Variants in TRHDE observed in about 807,000 individuals in gnomAD.
The protein encoded by TRHDE is thyrotropin-releasing hormone-degrading ectoenzyme.
A neutral mutation model predicts 125.7 loss-of-function variants in TRHDE; 72 were observed. The ratio of observed to expected loss-of-function variants is 0.57; its 90% CI spans 0.47 to 0.70. The LOEUF (loss-of-function observed/expected upper bound fraction) is 0.70. Ranked by LOEUF, TRHDE falls within the 30% of genes least tolerant of loss-of-function variation. The pLI is 0.00. For synonymous variants in TRHDE, 509 were observed against 509.1 expected, an observed-to-expected ratio of 1.00 and a Z score of 0.00; for missense variants, 1,110 against 1,327.1, an observed-to-expected ratio of 0.84 and a Z score of 2.54.
intron 6 of TRHDE, among the ~76,000 whole-genome samples, chr12:72,500,849 CTTTTTT>C (rs11314911): frequency 7.3e-4 from 80 of 109,346 alleles, no homozygotes; most frequent in African/African-American, 2.5e-3. Flanking sequence ...CAACTTTGTT[CTTTTTT>C]TTTTTTTTTT....
intron 3 of TRHDE, among the ~76,000 whole-genome samples, chr12:72,440,135 T>C (rs1457728210): frequency 6.6e-6 from 1 of 152,006 alleles, no homozygotes; most frequent in Non-Finnish European, 1.5e-5. Context: ...AGTGATCTTT[T>C]TAGTGTGCTG....
chr12:72,615,604 T>C (rs1188437943), intron 12 of TRHDE, among the ~76,000 whole-genome samples: 1 of 152,140 alleles, frequency 6.6e-6, no homozygotes, highest in Non-Finnish European at 1.5e-5. Flanking sequence ...TGTCGTAGGC[T>C]TAAATGCAAG....
At chr12:72,456,006 C>T (rs1016722117) in intron 3 of TRHDE, among the ~76,000 whole-genome samples, 3 of 151,422 alleles carry the variant, frequency 2.0e-5, no homozygotes, top group African/African-American at 7.3e-5. Flanking sequence ...TATGTGTATA[C>T]TCACACACAT....
At chr12:72,209,816 A>G (rs1296573748) in intron 2 of TRHDE, among the ~76,000 whole-genome samples, 1 of 152,200 alleles carries the variant, frequency 6.6e-6, no homozygotes, top group African/African-American at 2.4e-5. Context: ...AGAACAGTAC[A>G]TATTTGCTTA....
chr12:72,611,044 T>G (rs1333712954), intron 12 of TRHDE: 2 of 160,358 alleles, frequency 1.2e-5, no homozygotes, highest in Non-Finnish European at 2.8e-5. Context: ...AAAGACTTAG[T>G]GGCAAAGCAG....
intron 15 of TRHDE, among the ~76,000 whole-genome samples, chr12:72,636,411 A>G (rs1194320295): frequency 2.0e-5 from 3 of 151,474 alleles, no homozygotes; most frequent in South Asian, 2.1e-4. Context: ...GGGCTGAGAC[A>G]ATGGGGTTTT....
At chr12:72,371,645 G>A (rs1871597077) in intron 2 of TRHDE, among the ~76,000 whole-genome samples, 1 of 151,536 alleles carries the variant, frequency 6.6e-6, no homozygotes, top group South Asian at 2.1e-4. Context: ...TGTGGTGTTT[G>A]GTTTTCTGTC....
chr12:72,392,039 C>G (rs539835173), intron 3 of TRHDE, among the ~76,000 whole-genome samples: 1 of 152,280 alleles, frequency 6.6e-6, no homozygotes, highest in South Asian at 2.1e-4. Context: ...ATCTCTCTCT[C>G]TCTGTGTCTC....
chr12:72,168,507 A>G (rs1566262043), intron 2 of TRHDE, among the ~76,000 whole-genome samples: 2 of 152,230 alleles, frequency 1.3e-5, no homozygotes, highest in Admixed American at 6.5e-5. Flanking sequence ...TTCTTGCAGA[A>G]GAAGCTTTCT....
At chr12:72,644,929 C>T (rs1874219642) in intron 15 of TRHDE, among the ~76,000 whole-genome samples, 1 of 152,194 alleles carries the variant, frequency 6.6e-6, no homozygotes, top group African/African-American at 2.4e-5. Context: ...AGCAAGCAGA[C>T]AAAACCACAG....
intron 2 of TRHDE, among the ~76,000 whole-genome samples, chr12:72,315,131 T>A (rs1207063048): frequency 6.6e-6 from 1 of 152,212 alleles, no homozygotes; most frequent in Admixed American, 6.5e-5. Context: ...TTGTTCAATT[T>A]AAAGGAAAGT....
chr12:72,473,360 A>G (rs1176656482), intron 5 of TRHDE, among the ~76,000 whole-genome samples, 180 bp downstream of exon 5: 1 of 152,190 alleles, frequency 6.6e-6, no homozygotes, highest in East Asian at 1.9e-4. Flanking sequence ...CTTATTAGGA[A>G]CTATATAATC....
At chr12:72,536,209 T>A (rs1450738899) in intron 6 of TRHDE, among the ~76,000 whole-genome samples, 1 of 152,168 alleles carries the variant, frequency 6.6e-6, no homozygotes, top group Non-Finnish European at 1.5e-5. Context: ...TAGAGTATTC[T>A]CATTACCAAC....
chr12:72,326,181 T>C (rs1276613911), intron 2 of TRHDE, among the ~76,000 whole-genome samples: 1 of 152,184 alleles, frequency 6.6e-6, no homozygotes, highest in Non-Finnish European at 1.5e-5. Context: ...AGTATTGACT[T>C]GTAGTCAAAA....
intron 5 of TRHDE, among the ~76,000 whole-genome samples, chr12:72,493,366 T>C (rs933761074): frequency 2.6e-5 from 4 of 151,990 alleles, no homozygotes; most frequent in Admixed American, 6.6e-5. Flanking sequence ...GCATTTTGGA[T>C]TTCAAAGTAA....
In TRHDE at chr12:72,659,511, G is replaced by A. The variant is rs191766721; in HGVS notation, c.3066+2503G>A. 3.3e-3 allele frequency among the ~76,000 whole-genome samples: 497 copies of A among 152,176 alleles called. 3 individuals are homozygous for A. Among genetic ancestry groups the A allele is most frequent in the African/African-American group, 0.011 (451 of 41,520 alleles). On this transcript the variant is annotated intron_variant, in intron 18 of 18. Coordinates refer to ENST00000261180, the MANE Select transcript of TRHDE (RefSeq NM_013381.3). ...TTTTAATATTGAAGATATAAACTTT[G>A]TAATAGGGCAATAGTTAATTCTATT... is the stretch of plus-strand genomic sequence containing the variant.
chr12:72,165,051 G>A (rs910703442), intron 2 of TRHDE, among the ~76,000 whole-genome samples: 4 of 152,134 alleles, frequency 2.6e-5, no homozygotes, highest in African/African-American at 9.7e-5. Flanking sequence ...TAGATGGGCA[G>A]CTCACTAAAA....
intron 2 of TRHDE, among the ~76,000 whole-genome samples, chr12:72,135,549 G>GTTTTT (rs202197870): frequency 2.1e-5 from 3 of 140,488 alleles, no homozygotes; most frequent in African/African-American, 7.8e-5. Context: ...GTGTAAACAT[G>GTTTTT]TTTTTTTTTT....
intron 6 of TRHDE, among the ~76,000 whole-genome samples, chr12:72,507,929 A>G (rs993684422): frequency 1.3e-5 from 2 of 152,188 alleles, no homozygotes; most frequent in African/African-American, 4.8e-5. Flanking sequence ...AGCAGTGGCT[A>G]AAAGGGGCCA....
Sources: gnomAD v4.1 joint callset for allele counts (sites outside exome capture counted in the v4.1 genomes callset) on GRCh38, gnomAD v4.1.1 for gene constraint, MANE v1.5 for transcripts, NCBI Gene and HGNC (gene_info 2026-07-23, HGNC 2026-07-21) for gene names.